Variants in TUSC3 observed in about 807,000 individuals in gnomAD.
TUSC3 encodes the protein dolichyl-diphosphooligosaccharide--protein glycosyltransferase subunit TUSC3.
TUSC3 carries 45 observed loss-of-function variants against 44.8 expected under a neutral mutation model. The observed-to-expected ratio is 1.00, with a 90% CI of 0.79 to 1.29. The LOEUF is 1.29. TUSC3 is among the 50% of genes most tolerant of loss of function. The probability of loss-of-function intolerance (pLI) is 0.00; values close to 1 mark genes in which losing one functional copy is unlikely to be tolerated. For synonymous variants in TUSC3, 212 were observed against 152.9 expected (o/e 1.39, Z -2.85); for missense variants, 519 against 437.9 (o/e 1.19, Z -1.65).
intron 7 of TUSC3, among the ~76,000 whole-genome samples, chr8:15,742,551 C>G (rs1351751674): frequency 6.6e-6 from 1 of 152,214 alleles, no homozygotes; most frequent in Non-Finnish European, 1.5e-5. Flanking sequence ...ACCTCCTCCA[C>G]TTGCTGGTAT....
At chr8:15,464,579 T>C (rs1362193372) in intron 1 of TUSC3, among the ~76,000 whole-genome samples, 1 of 152,224 alleles carries the variant, frequency 6.6e-6, no homozygotes, top group Non-Finnish European at 1.5e-5. Context: ...TGTTGTATCA[T>C]CCTAATATAT....
chr8:15,819,637 C>G, the TUSC3 span, among the ~76,000 whole-genome samples: 1 of 152,058 alleles, frequency 6.6e-6, no homozygotes, highest in African/African-American at 2.4e-5. Flanking sequence ...ACTTGTAAGT[C>G]TTTTGATGCC....
At chr8:15,754,768 C>T (rs1007965169) in intron 9 of TUSC3, among the ~76,000 whole-genome samples, 3 of 145,936 alleles carry the variant, frequency 2.1e-5, no homozygotes, top group Non-Finnish European at 4.6e-5. Flanking sequence ...TGTACAGAAC[C>T]GTGATCATAA....
At chr8:15,508,175 G>A (rs1259547927) in intron 2 of TUSC3, among the ~76,000 whole-genome samples, 1 of 152,144 alleles carries the variant, frequency 6.6e-6, no homozygotes, top group Non-Finnish European at 1.5e-5. Context: ...GGGAGGCAGA[G>A]GTTGCAGTGA....
chr8:15,670,519 T>G (rs1389556150), intron 5 of TUSC3, among the ~76,000 whole-genome samples: 1 of 151,872 alleles, frequency 6.6e-6, no homozygotes, highest in Admixed American at 6.6e-5. Context: ...TTTCAACTTT[T>G]ACCTCCCACC....
chr8:15,470,853 C>T lies in TUSC3; in HGVS notation n.92-12533C>T, dbSNP rs370229193. Among the ~76,000 whole-genome samples the T allele has an allele frequency of 5.3e-5, 8 of 152,220 alleles. No homozygotes were observed. The East Asian group carries it at 1.4e-3, about 26-fold the overall frequency. On this transcript the variant is annotated intron_variant and non_coding_transcript_variant, in intron 1 of 5. Coordinates refer to the TUSC3 transcript ENST00000503191. Reference sequence around the variant, plus strand: ...CCAGTGAGTGTGGGTGTGAGTGGCTCTGTGATAGGACGGTGGCCTGGCCAG... The same window carrying T: ...CCAGTGAGTGTGGGTGTGAGTGGCTTTGTGATAGGACGGTGGCCTGGCCAG...
At chr8:15,570,944 T>C (rs1313220204) in intron 1 of TUSC3, among the ~76,000 whole-genome samples, 1 of 147,944 alleles carries the variant, frequency 6.8e-6, no homozygotes. Context: ...TTCTATTCCA[T>C]TGCCTATTAG....
intron 1 of TUSC3, among the ~76,000 whole-genome samples, chr8:15,572,267 A>G (rs1291344058): frequency 6.6e-6 from 1 of 152,154 alleles, no homozygotes; most frequent in African/African-American, 2.4e-5. Flanking sequence ...TTGCTGCTTC[A>G]TCTTGGACTT....
At chr8:15,747,281 T>C (rs997124032) in intron 8 of TUSC3, among the ~76,000 whole-genome samples, 9 of 152,202 alleles carry the variant, frequency 5.9e-5, no homozygotes, top group African/African-American at 2.2e-4. Flanking sequence ...TATTTTCTTC[T>C]GCTTTAATCT....
intron 1 of TUSC3, among the ~76,000 whole-genome samples, chr8:15,453,322 TA>T (rs1374178223): frequency 1.3e-5 from 2 of 152,200 alleles, no homozygotes; most frequent in South Asian, 4.1e-4. Flanking sequence ...AATTACTAAA[TA>T]AAATGAATAA....
the TUSC3 span, among the ~76,000 whole-genome samples, chr8:15,847,222 G>C: frequency 6.6e-6 from 1 of 152,168 alleles, no homozygotes; most frequent in Non-Finnish European, 1.5e-5. Flanking sequence ...GTGAGGGTGT[G>C]TATGAGACAG....
chr8:15,459,902 A>ACATT (rs1339688795), intron 1 of TUSC3, among the ~76,000 whole-genome samples: 1 of 151,906 alleles, frequency 6.6e-6, no homozygotes, highest in Non-Finnish European at 1.5e-5. Context: ...ATACATACAT[A>ACATT]CACACATACC....
intron 1 of TUSC3, among the ~76,000 whole-genome samples, chr8:15,606,703 G>A (rs1180818315): frequency 2.0e-5 from 3 of 152,000 alleles, no homozygotes; most frequent in African/African-American, 7.2e-5. Context: ...GTGCTTCAGT[G>A]AATATCCTTT....
intron 5 of TUSC3, 76 bp from the exon 6 acceptor site, chr8:15,673,671 G>T: frequency 8.3e-7 from 1 of 1,199,570 alleles, no homozygotes; most frequent in South Asian, 1.2e-5. Flanking sequence ...CTTTCATGAT[G>T]ACCATTGTCT....
At chr8:15,577,519 G>C (rs1442752403) in intron 1 of TUSC3, among the ~76,000 whole-genome samples, 1 of 150,416 alleles carries the variant, frequency 6.6e-6, no homozygotes, top group Non-Finnish European at 1.5e-5. Flanking sequence ...TCCAGTTTCA[G>C]CTTTCTACAT....
At chr8:15,510,271 A>T (rs74967851) in intron 2 of TUSC3, among the ~76,000 whole-genome samples, 1 of 152,172 alleles carries the variant, frequency 6.6e-6, no homozygotes, top group Non-Finnish European at 1.5e-5. Context: ...AACCTAAAAG[A>T]AAAAAGGGAA....
At chr8:15,843,621 T>TATATATATATATACACACAC in the TUSC3 span, among the ~76,000 whole-genome samples, 671 of 146,676 alleles carry the variant, frequency 4.6e-3, 12 homozygotes, top group African/African-American at 0.016. Context: ...TATATATATA[T>TATATATATATATACACACAC]ACACGCACAT....
In TUSC3 at chr8:15,502,160, T is replaced by C. The variant is rs1800975579; in HGVS notation, n.189+18677T>C. Reference sequence around the variant, plus strand: ...GTTGACAGTGTAAACACTGTTCACGTGTAAGTCAAATTGCAAACTATGATT... The same window carrying C: ...GTTGACAGTGTAAACACTGTTCACGCGTAAGTCAAATTGCAAACTATGATT... On this transcript the variant is annotated intron_variant and non_coding_transcript_variant, in intron 2 of 5. Coordinates refer to the TUSC3 transcript ENST00000503191. 2.0e-5 allele frequency among the ~76,000 whole-genome samples: 3 copies of C among 152,240 alleles called. No homozygotes were observed. In the South Asian group the frequency reaches 6.2e-4, roughly 32 times the overall value.
At chr8:15,775,150 C>G in the TUSC3 span, among the ~76,000 whole-genome samples, 36,553 of 152,016 alleles carry the variant, frequency 0.24, 4,877 homozygotes, top group Admixed American at 0.43. Context: ...TTATGAAGTA[C>G]TGTTACATCC....
Sources: gnomAD v4.1 joint callset for allele counts (sites outside exome capture counted in the v4.1 genomes callset) on GRCh38, gnomAD v4.1.1 for gene constraint, MANE v1.5 for transcripts, NCBI Gene and HGNC (gene_info 2026-07-23, HGNC 2026-07-21) for gene names.